The following C9orf43 variants were observed in gnomAD, a reference collection of about 807,000 sequenced individuals.
C9orf43 encodes chromosome 9 open reading frame 43.
A neutral mutation model predicts 59.1 loss-of-function variants in C9orf43; 45 were observed. The observed-to-expected ratio is 0.76, with a 90% CI of 0.60 to 0.98. The LOEUF (loss-of-function observed/expected upper bound fraction) is 0.98, where lower values mean the gene tolerates loss of function less well. Among genes scored for constraint, C9orf43 ranks in the 50% least tolerant of loss-of-function variants. The probability of loss-of-function intolerance (pLI) is 0.00; values close to 1 mark genes in which losing one functional copy is unlikely to be tolerated. For synonymous variants in C9orf43, 203 were observed against 196.8 expected, an observed-to-expected ratio of 1.03 and a Z score of -0.26; for missense variants, 533 against 554.9, an observed-to-expected ratio of 0.96 and a Z score of 0.40.
chr9:113,417,594 A>G (rs1828413379), intron 3 of C9orf43, among the ~76,000 whole-genome samples: 1 of 152,234 alleles, frequency 6.6e-6, no homozygotes, highest in South Asian at 2.1e-4. Context: ...AAGGGTTCCC[A>G]AGTCAGGGCA....
rs139458023 is a variant in C9orf43, at chr9:113,427,172, T to C, written c.1031-975T>C. ...ACTAAGACCAATTGTGAAGCTTTTA[T>C]TTATTTATTTATTTGAGACGGAGTT... On this transcript the variant is annotated intron_variant, in intron 11 of 13. Coordinates refer to ENST00000374165, the MANE Select transcript of C9orf43 (RefSeq NM_001278629.2). 2.7e-3 allele frequency among the ~76,000 whole-genome samples: 410 copies of C among 152,262 alleles called. 2 individuals carry two copies. The highest frequency in any genetic ancestry group is 9.0e-3 in the African/African-American group (372 of 41,556).
At chr9:113,417,294 C>T (rs1379410141) in intron 3 of C9orf43, among the ~76,000 whole-genome samples, 2 of 152,212 alleles carry the variant, frequency 1.3e-5, no homozygotes, top group Admixed American at 6.5e-5. Flanking sequence ...CCAAACTACC[C>T]CCAGTACTTC....
chr9:113,426,264 C>T (rs924294141), intron 11 of C9orf43, among the ~76,000 whole-genome samples: 1 of 152,214 alleles, frequency 6.6e-6, no homozygotes, highest in African/African-American at 2.4e-5. Flanking sequence ...TCTTGTCAGG[C>T]AGTTCTTTTG....
In C9orf43 at chr9:113,423,512, A is replaced by G. The variant is rs1439146425; in HGVS notation, c.656+14A>G. The G allele has an allele frequency of 1.2e-6, 2 of 1,606,452 alleles. No homozygotes were observed. Among genetic ancestry groups the G allele is most frequent in the East Asian group, 4.5e-5 (2 of 44,680 alleles). On this transcript the variant is annotated intron_variant, in intron 7 of 13. Transcript: ENST00000374165. ...TCTACTGAAGGAGTAAGTATCATGTAGGTCTGTGGGAGAGCCAGAGCACCT... is the reference window on the plus strand; with the variant it reads ...TCTACTGAAGGAGTAAGTATCATGTGGGTCTGTGGGAGAGCCAGAGCACCT...
chr9:113,421,050 A>G (rs1253920174), intron 4 of C9orf43, 53 bp from the exon 5 acceptor site: 2 of 1,374,892 alleles, frequency 1.5e-6, no homozygotes, highest in Admixed American at 1.7e-5. Flanking sequence ...CCTTAATCTG[A>G]TATAGGAGCT....
intron 1 of C9orf43, among the ~76,000 whole-genome samples, chr9:113,411,662 A>C (rs1034423105): frequency 1.3e-5 from 2 of 151,282 alleles, no homozygotes; most frequent in Non-Finnish European, 2.9e-5. Context: ...TCTCACTCCC[A>C]CTGATTTTAT....
chr9:113,419,215 T>G (rs190128193), intron 4 of C9orf43, 50 bp downstream of exon 4: 6 of 1,382,558 alleles, frequency 4.3e-6, no homozygotes, highest in Non-Finnish European at 1.0e-6. Context: ...TCTTTACTAG[T>G]GGAAATAAAC....
chr9:113,423,317 C>A lies in C9orf43; in HGVS notation c.484-9C>A. On this transcript the variant is annotated splice_polypyrimidine_tract_variant and intron_variant, in intron 6 of 13. Coordinates refer to ENST00000374165, the MANE Select transcript of C9orf43 (RefSeq NM_001278629.2). ...CTTTGGAGAATTCTTTCCATTGTTT[C>A]TCTTCCAGAAAAGCAAGTCATTTCT... 2 of 1,612,638 alleles carry A rather than the reference C, an allele frequency of 1.2e-6. No individual in the cohort carries two copies.
intron 13 of C9orf43, 29 bp from the exon 14 acceptor site, chr9:113,429,143 G>A (rs1828895708): frequency 6.2e-7 from 1 of 1,601,530 alleles, no homozygotes; most frequent in South Asian, 1.1e-5. Context: ...GAGTTTACAG[G>A]TGCAATTAAT....
intron 12 of C9orf43, 50 bp downstream of exon 12, chr9:113,428,273 A>G: frequency 6.0e-6 from 9 of 1,495,420 alleles, no homozygotes; most frequent in East Asian, 2.3e-5. Flanking sequence ...GTTATCTATT[A>G]CTATGTAACA....
intron 6 of C9orf43, among the ~76,000 whole-genome samples, chr9:113,422,911 T>A (rs943273974): frequency 3.3e-5 from 5 of 152,184 alleles, no homozygotes; most frequent in African/African-American, 1.2e-4. Flanking sequence ...TTATAAGACC[T>A]GGGCTTCTAA....
At chr9:113,415,972 T>C (rs971857665) in intron 3 of C9orf43, among the ~76,000 whole-genome samples, 1 of 152,230 alleles carries the variant, frequency 6.6e-6, no homozygotes, top group Non-Finnish European at 1.5e-5. Flanking sequence ...TCAGGACCTA[T>C]GATATGCTTC....
intron 5 of C9orf43, 30 bp downstream of exon 5, chr9:113,421,233 T>G: frequency 4.0e-6 from 6 of 1,487,592 alleles, no homozygotes; most frequent in Non-Finnish European, 5.6e-6. Flanking sequence ...CTCAGAGGAC[T>G]TTGACTCTAT....
chr9:113,412,997 T>G (rs1310612817), intron 1 of C9orf43, among the ~76,000 whole-genome samples: 1 of 152,278 alleles, frequency 6.6e-6, no homozygotes, highest in African/African-American at 2.4e-5. Flanking sequence ...TGTGACTACT[T>G]TGGTCATAAT....
intron 11 of C9orf43, among the ~76,000 whole-genome samples, chr9:113,427,238 C>T (rs537201947): frequency 1.3e-5 from 2 of 151,398 alleles, no homozygotes; most frequent in South Asian, 2.1e-4. Context: ...GGTGTGATCT[C>T]GGCTCACCAC....
chr9:113,428,845 C>T, intron 12 of C9orf43, 55 bp from the exon 13 acceptor site: 1 of 1,476,208 alleles, frequency 6.8e-7, no homozygotes, highest in Non-Finnish European at 9.5e-7. Context: ...TAGAAAAATC[C>T]TTTTAGTTTC....
chr9:113,411,542 G>A (rs1215215882), intron 1 of C9orf43, among the ~76,000 whole-genome samples: 5 of 151,916 alleles, frequency 3.3e-5, no homozygotes. Context: ...CTCGTGATCC[G>A]CCCGCCTCGG....
At chr9:113,415,279 G>A (rs1287108196) in intron 3 of C9orf43, among the ~76,000 whole-genome samples, 1 of 152,026 alleles carries the variant, frequency 6.6e-6, no homozygotes, top group Admixed American at 6.5e-5. Flanking sequence ...AAATAGCTGG[G>A]ACCACAGGCA....
chr9:113,411,952 G>T (rs1283808726), intron 1 of C9orf43, among the ~76,000 whole-genome samples: 1 of 152,206 alleles, frequency 6.6e-6, no homozygotes, highest in Non-Finnish European at 1.5e-5. Context: ...TGAGATTACA[G>T]GCATGAGCCA....
Sources: gnomAD v4.1 joint callset for allele counts (sites outside exome capture counted in the v4.1 genomes callset) on GRCh38, gnomAD v4.1.1 for gene constraint, MANE v1.5 for transcripts, NCBI Gene and HGNC (gene_info 2026-07-23, HGNC 2026-07-21) for gene names.